Variants in ABCA9 observed in about 807,000 individuals in gnomAD.
ABCA9 encodes ATP binding cassette subfamily A member 9, also known as ATP-binding cassette sub-family A member 9.
Under a neutral mutation model 205.3 loss-of-function variants are expected in ABCA9, and 183 were observed. The ratio of observed to expected loss-of-function variants is 0.89; its 90% CI spans 0.79 to 1.01. The LOEUF is 1.01. ABCA9 is among the 50% of genes least tolerant of loss of function. The probability of loss-of-function intolerance (pLI) is 0.00; values close to 1 mark genes in which losing one functional copy is unlikely to be tolerated. For synonymous variants in ABCA9, 651 were observed against 683.3 expected (o/e 0.95, Z 0.74); for missense variants, 1,805 against 1,912.4 (o/e 0.94, Z 1.05).
In ABCA9 at chr17:69,008,153, A is replaced by C; in HGVS notation, c.3230T>G (p.Leu1077Arg). 6.2e-7 allele frequency: 1 copy of C among 1,613,616 alleles called. No homozygotes were observed. The highest frequency in any genetic ancestry group is 8.5e-7 in the Non-Finnish European group (1 of 1,179,500). The change falls in exon 24 of 39, where the codon CTG becomes CGG. Residue 1077 changes from leucine (L) to arginine (R), a missense_variant. Leu to Arg is a moderately radical substitution (Grantham distance 102). Coordinates refer to ENST00000340001, the MANE Select transcript of ABCA9 (RefSeq NM_080283.4). ...WFGQALVDVSLYFLILLLMQI... is the reference protein window; with the variant it reads ...WFGQALVDVSRYFLILLLMQI... ...CATTAGCAGGAGGATCAAAAAGTAC[A>C]GGGAAACATCCACCAGTGCTTGGCC...
chr17:69,070,398 C>G, the ABCA9 span, among the ~76,000 whole-genome samples: 1 of 152,166 alleles, frequency 6.6e-6, no homozygotes. Context: ...GTACCCAGTT[C>G]ATCTCACTGG....
upstream of ABCA9, among the ~76,000 whole-genome samples, chr17:69,061,635 G>A (rs928547957): frequency 3.0e-4 from 45 of 152,204 alleles, no homozygotes; most frequent in African/African-American, 8.9e-4. Context: ...TCTCTGCAAC[G>A]GTTCCCATGA....
chr17:69,059,411 G>C (rs2072163636), intron 1 of ABCA9, among the ~76,000 whole-genome samples: 1 of 152,102 alleles, frequency 6.6e-6, no homozygotes, highest in African/African-American at 2.4e-5. Flanking sequence ...GACAAGATCA[G>C]AGTGAGGCAG....
At chr17:69,010,504 T>C (rs1054565094) in intron 23 of ABCA9, among the ~76,000 whole-genome samples, 9 of 151,686 alleles carry the variant, frequency 5.9e-5, no homozygotes, top group Non-Finnish European at 1.0e-4. Flanking sequence ...AAGAGACAAA[T>C]GAGGGAGGGA....
chr17:69,012,268 A>AACACGT, intron 22 of ABCA9, 185 bp from the exon 23 acceptor site: 1 of 480,202 alleles, frequency 2.1e-6, no homozygotes, highest in Non-Finnish European at 3.7e-6. Flanking sequence ...GGACCTTCTG[A>AACACGT]ACACGTAGCC....
At chr17:69,053,103 A>T (rs1055027398) in intron 1 of ABCA9, among the ~76,000 whole-genome samples, 3 of 152,130 alleles carry the variant, frequency 2.0e-5, no homozygotes, top group Non-Finnish European at 1.5e-5. Context: ...ACTTCTTTAC[A>T]TGGGCATGAT....
chr17:69,033,664 A>G, intron 9 of ABCA9, 62 bp downstream of exon 9: 3 of 1,370,068 alleles, frequency 2.2e-6, no homozygotes, highest in East Asian at 2.3e-5. Context: ...TACATTGTAG[A>G]GTTGTTTTAA....
chr17:69,011,946 A>AAAAC (rs2070391273), intron 23 of ABCA9, 30 bp downstream of exon 23: 4 of 1,520,878 alleles, frequency 2.6e-6, no homozygotes, highest in Non-Finnish European at 3.6e-6. Flanking sequence ...CTAGATATAA[A>AAAAC]AAACATGTGA....
intron 10 of ABCA9, among the ~76,000 whole-genome samples, chr17:69,030,264 G>A (rs1019846748): frequency 1.3e-5 from 2 of 152,144 alleles, no homozygotes; most frequent in Non-Finnish European, 2.9e-5. Flanking sequence ...CCAAGATCAA[G>A]GTGTCAATAG....
chr17:69,049,472 G>T lies in ABCA9; in HGVS notation c.115C>A (p.Leu39Ile). Residue 39 changes from leucine to isoleucine, a missense_variant, in exon 3 of 39, where the codon CTT (leucine) becomes ATT (isoleucine). Coordinates refer to ENST00000340001, the MANE Select transcript of ABCA9 (RefSeq NM_080283.4). The part of the protein sequence containing the change: ...QTLLEWLFSF[L>I]LVLFLYLFFS... ...AATAGGTACAGAAACAGTACCAGAA[G>T]AAATGAAAAGAGCCATTCCTATATA... 6 of 1,610,558 alleles carry T rather than the reference G, an allele frequency of 3.7e-6. No homozygotes were observed. The highest frequency in any genetic ancestry group is 5.1e-6 in the Non-Finnish European group (6 of 1,178,292).
chr17:69,008,101 T>C lies in ABCA9; in HGVS notation c.3282A>G (p.Pro1094=). The C allele has an allele frequency of 1.2e-6, 2 of 1,612,916 alleles. No homozygotes were observed. Among genetic ancestry groups the C allele is most frequent in the Non-Finnish European group, 1.7e-6 (2 of 1,179,010 alleles). The part of the protein sequence containing the change: ...LMQIMDYIFS[P]EEIIFIIQNL... The stretch of plus-strand genomic sequence containing the variant: ...TTTGAATTATAAATATAATCTCCTC[T>C]GGGCTAAAAATATAATCCATTATTT... The change falls in exon 24 of 39, where the codon CCA becomes CCG. Residue 1094 remains proline (P), a synonymous_variant. Transcript: ENST00000340001.
At chr17:69,016,100 G>A (rs1303927033) in intron 22 of ABCA9, among the ~76,000 whole-genome samples, 153 bp downstream of exon 22, 11 of 71,340 alleles carry the variant, frequency 1.5e-4, no homozygotes, top group African/African-American at 3.8e-4. Context: ...ATATGTGTGT[G>A]TGTATATATA....
chr17:68,976,673 TC>T (rs1326857308), intron 37 of ABCA9, among the ~76,000 whole-genome samples: 1 of 152,194 alleles, frequency 6.6e-6, no homozygotes, highest in African/African-American at 2.4e-5. Context: ...GGTAGTAAGT[TC>T]TACATGACTC....
the ABCA9 span, among the ~76,000 whole-genome samples, chr17:69,072,246 C>T: frequency 1.3e-5 from 2 of 152,114 alleles, no homozygotes; most frequent in Admixed American, 6.5e-5. Flanking sequence ...ATACAGAGAA[C>T]ACCACAAAGA....
intron 1 of ABCA9, 28 bp from the exon 2 acceptor site, chr17:69,051,167 T>C: frequency 6.9e-6 from 11 of 1,602,358 alleles, no homozygotes; most frequent in Non-Finnish European, 8.5e-6. Flanking sequence ...AAAAATGAAG[T>C]ACATGTGAAG....
At chr17:69,050,085 T>C (rs2071851803) in intron 2 of ABCA9, among the ~76,000 whole-genome samples, 1 of 152,084 alleles carries the variant, frequency 6.6e-6, no homozygotes, top group South Asian at 2.1e-4. Flanking sequence ...AAAAGAGTTA[T>C]ATGTCATCTT....
intron 6 of ABCA9, chr17:69,043,198 A>C (rs1414869235): frequency 2.2e-5 from 6 of 269,364 alleles, no homozygotes; most frequent in African/African-American, 4.4e-5. Flanking sequence ...TCTCTCACAT[A>C]CACAGTTCAC....
At chr17:69,036,870 G>GAAAAAAA (rs1567963217) in intron 6 of ABCA9, among the ~76,000 whole-genome samples, 1 of 2,488 alleles carries the variant, frequency 4.0e-4, no homozygotes, top group East Asian at 0.026. Context: ...TAAATGGAAA[G>GAAAAAAA]CAAAAAAAAA....
intron 23 of ABCA9, among the ~76,000 whole-genome samples, chr17:69,008,786 A>G (rs764939713): frequency 1.3e-4 from 20 of 152,188 alleles, no homozygotes; most frequent in Admixed American, 2.6e-4. Flanking sequence ...TCATCATCAC[A>G]CTGTGAAAAC....
Sources: gnomAD v4.1 joint callset for allele counts (sites outside exome capture counted in the v4.1 genomes callset) on GRCh38, gnomAD v4.1.1 for gene constraint, MANE v1.5 for transcripts, NCBI Gene and HGNC (gene_info 2026-07-23, HGNC 2026-07-21) for gene names.